Variants in AKR1B1 observed in about 807,000 individuals in gnomAD.
AKR1B1 encodes the protein aldo-keto reductase family 1 member B.
Under a neutral mutation model 40.4 loss-of-function variants are expected in AKR1B1, and 22 were observed. That is an observed-to-expected ratio of 0.54 (90% confidence interval 0.39 to 0.78). The LOEUF (loss-of-function observed/expected upper bound fraction) is 0.78, where lower values mean the gene tolerates loss of function less well. Among genes scored for constraint, AKR1B1 ranks in the 30% least tolerant of loss-of-function variants. The probability of loss-of-function intolerance (pLI) is 0.00; values close to 1 mark genes in which losing one functional copy is unlikely to be tolerated. For missense variants in AKR1B1, 357 were observed against 396.7 expected, an observed-to-expected ratio of 0.90 and a Z score of 0.85; for synonymous variants, 157 against 149.9, an observed-to-expected ratio of 1.05 and a Z score of -0.35.
intron 1 of AKR1B1, among the ~76,000 whole-genome samples, chr7:134,457,480 G>A (rs1806506483): frequency 6.6e-6 from 1 of 152,146 alleles, no homozygotes; most frequent in African/African-American, 2.4e-5. Context: ...GGAGTTTTTG[G>A]AGGAAACAAA....
chr7:134,459,006 A>C lies in AKR1B1; in HGVS notation c.57T>G (p.Gly19=). The part of the protein sequence containing the change: ...NGAKMPILGL[G]TWKSPPGQVT... ...CCCCACGAGCACCTACCTTCCAGGT[A>C]CCCAACCCCAGGATGGGCATCTTGG... The change falls in exon 1 of 10, where the codon GGT becomes GGG. Residue 19 remains glycine, a synonymous_variant. Transcript: ENST00000285930. 3.1e-6 allele frequency: 5 copies of C among 1,608,334 alleles called. No homozygotes were observed. Among genetic ancestry groups the C allele is most frequent in the Non-Finnish European group, 4.2e-6 (5 of 1,177,840 alleles).
chr7:134,446,198 C>G (rs1806089874), intron 8 of AKR1B1, among the ~76,000 whole-genome samples: 1 of 152,240 alleles, frequency 6.6e-6, no homozygotes, highest in South Asian at 2.1e-4. Context: ...CGATGCATCT[C>G]TGGTGGGATA....
intron 8 of AKR1B1, among the ~76,000 whole-genome samples, chr7:134,446,289 T>G (rs1806093638): frequency 6.6e-6 from 1 of 152,174 alleles, no homozygotes; most frequent in Admixed American, 6.5e-5. Context: ...AAGAAAAACG[T>G]CTCCTCTCCT....
intron 7 of AKR1B1, chr7:134,447,601 T>G (rs947742403): frequency 1.2e-4 from 80 of 646,828 alleles, no homozygotes; most frequent in Non-Finnish European, 1.7e-4. Flanking sequence ...GCCACACGCT[T>G]CAGTGTCTCA....
At chr7:134,458,647 C>T (rs1806567985) in intron 1 of AKR1B1, among the ~76,000 whole-genome samples, 1 of 152,194 alleles carries the variant, frequency 6.6e-6, no homozygotes, top group Non-Finnish European at 1.5e-5. Flanking sequence ...ACTTTCCCCG[C>T]CTCCCTCTCG....
chr7:134,442,804 G>A (rs1029857886), intron 9 of AKR1B1, 34 bp from the exon 10 acceptor site: 1 of 1,607,756 alleles, frequency 6.2e-7, no homozygotes, highest in Non-Finnish European at 8.5e-7. Context: ...GTTGCTTTTT[G>A]AAGAGGTGAT....
At chr7:134,444,369 A>C (rs937018057) in intron 9 of AKR1B1, among the ~76,000 whole-genome samples, 1 of 152,272 alleles carries the variant, frequency 6.6e-6, no homozygotes, top group African/African-American at 2.4e-5. Flanking sequence ...CAGACTGGGC[A>C]AACATCTGCC....
chr7:134,457,853 AGC>A (rs962582973), intron 1 of AKR1B1, among the ~76,000 whole-genome samples: 1 of 152,124 alleles, frequency 6.6e-6, no homozygotes, highest in African/African-American at 2.4e-5. Context: ...AAAAAAGATT[AGC>A]CAGGTGTGGT....
rs754091936 is a variant in AKR1B1 at position 134,449,728 on chromosome 7, T to A, written c.421A>T (p.Thr141Ser). The A allele has an allele frequency of 1.9e-5, 31 of 1,614,010 alleles. No individual in the cohort carries two copies. In the South Asian group the frequency reaches 3.4e-4, roughly 18 times the overall value. ...VVPSDTNILDTWAAMEELVDE... is the reference protein window; with the variant it reads ...VVPSDTNILDSWAAMEELVDE... Reference sequence around the variant, plus strand: ...ACCAGGGGCTGTCTTACCGCCCACGTGTCCAGAATGTTGGTGTCACTGGGA... The same window carrying A: ...ACCAGGGGCTGTCTTACCGCCCACGAGTCCAGAATGTTGGTGTCACTGGGA... Residue 141 changes from threonine (T) to serine (S), a missense_variant, in exon 4 of 10, where the codon ACG becomes TCG. Physicochemically the swap from Thr to Ser is moderately conservative, Grantham distance 58. Transcript: ENST00000285930.
chr7:134,449,583 A>T (rs1210460974), intron 4 of AKR1B1, 137 bp downstream of exon 4: 10 of 754,726 alleles, frequency 1.3e-5, no homozygotes, highest in Admixed American at 4.5e-5. Context: ...GGAGACCCCA[A>T]CTCAAAAAAA....
intron 8 of AKR1B1, 95 bp downstream of exon 8, chr7:134,447,203 T>A (rs2259458): frequency 1.8e-6 from 2 of 1,117,730 alleles, no homozygotes; most frequent in Non-Finnish European, 2.7e-6. Flanking sequence ...AGGATGGTGG[T>A]GATCCCACAG....
intron 9 of AKR1B1, 161 bp downstream of exon 9, chr7:134,445,077 C>T: frequency 1.4e-6 from 1 of 714,380 alleles, no homozygotes; most frequent in Non-Finnish European, 2.5e-6. Flanking sequence ...CCATGCAGTT[C>T]AGCTGATGCA....
At chr7:134,448,690 G>A (rs531439587) in intron 5 of AKR1B1, among the ~76,000 whole-genome samples, 197 bp from the exon 6 acceptor site, 1 of 152,274 alleles carries the variant, frequency 6.6e-6, no homozygotes, top group African/African-American at 2.4e-5. Flanking sequence ...TCTTATTATA[G>A]ATGTTCTCAT....
At position 134,448,403 on chromosome 7, in the gene AKR1B1, A is replaced by G; in HGVS notation, c.643T>C (p.Ser215Pro). The change falls in exon 6 of 10, where the codon TCT (serine) becomes CCT (proline). Residue 215 changes from serine (S) to proline (P), a missense_variant. Transcript: ENST00000285930. ...IVVTAYSPLG[S>P]PDRPWAKPED... The stretch of plus-strand genomic sequence containing the variant: ...GAAGCTCACCAGGGCCTGTCAGGAG[A>G]GCCGAGGGGGCTGTAGGCGGTCACC... 4 of 1,613,654 alleles carry G rather than the reference A, an allele frequency of 2.5e-6. No individual in the cohort carries two copies. The highest frequency in any genetic ancestry group is 3.4e-6 in the Non-Finnish European group (4 of 1,179,758).
chr7:134,446,909 T>C (rs1165382537), intron 8 of AKR1B1, among the ~76,000 whole-genome samples: 1 of 152,224 alleles, frequency 6.6e-6, no homozygotes, highest in Non-Finnish European at 1.5e-5. Flanking sequence ...ATTTTATAGA[T>C]AGGGAAGCTG....
chr7:134,449,906 A>G, intron 3 of AKR1B1, 109 bp from the exon 4 acceptor site: 1 of 897,146 alleles, frequency 1.1e-6, no homozygotes, highest in Non-Finnish European at 1.9e-6. Flanking sequence ...ACAGCTGGCT[A>G]GGGATAATCT....
At chr7:134,443,915 C>A (rs1195449671) in intron 9 of AKR1B1, among the ~76,000 whole-genome samples, 2 of 152,094 alleles carry the variant, frequency 1.3e-5, no homozygotes, top group Non-Finnish European at 2.9e-5. Flanking sequence ...CATGTCAGGG[C>A]TAGCCTCTTC....
In AKR1B1 at chr7:134,451,182, C is replaced by T. The variant is rs992789213; in HGVS notation, c.235-280G>A. The T allele has an allele frequency of 1.8e-5, 10 of 560,398 alleles. No individual in the cohort carries two copies. In the African/African-American group the frequency reaches 1.9e-4, roughly 11 times the overall value. 34.7% of individuals were successfully genotyped at this position (560,398 alleles called of 1,614,324 possible). A position where few individuals can be genotyped will look rare whatever the true frequency, so the allele number is the denominator to read the frequency against. The stretch of plus-strand genomic sequence containing the variant: ...AAGCAAGAACTCTCGAAACTTTCCC[C>T]CCGGGCTGGTGTTTGTGGAGCCAGC... On this transcript the variant is annotated intron_variant, in intron 2 of 9. Transcript: ENST00000285930.
intron 8 of AKR1B1, 103 bp downstream of exon 8, chr7:134,447,195 G>A: frequency 9.6e-7 from 1 of 1,046,944 alleles, no homozygotes; most frequent in Middle Eastern, 2.9e-4. Flanking sequence ...CAGAAGAGAG[G>A]ATGGTGGTGA....
Sources: allele counts gnomAD v4.1 joint callset (sites outside exome capture counted in the v4.1 genomes callset), GRCh38; gene constraint gnomAD v4.1.1; transcripts MANE v1.5; gene names NCBI Gene and HGNC (gene_info 2026-07-23, HGNC 2026-07-21).